PHF24: variants seen among roughly 807,000 people sequenced by gnomAD.
The protein encoded by PHF24 is PHD finger protein 24.
PHF24 carries 25 observed loss-of-function variants against 42.6 expected under a neutral mutation model. That is an observed-to-expected ratio of 0.59 (90% CI 0.43 to 0.82). The LOEUF (loss-of-function observed/expected upper bound fraction) is 0.82. PHF24 is among the 40% of genes least tolerant of loss of function. The pLI, the probability that PHF24 is intolerant of heterozygous loss-of-function variation, is 0.00. For missense variants in PHF24, 470 were observed against 538.1 expected, an observed-to-expected ratio of 0.87 and a Z score of 1.25; for synonymous variants, 185 against 204.8, an observed-to-expected ratio of 0.90 and a Z score of 0.83.
chr9:34,751,142 A>G, the PHF24 span, among the ~76,000 whole-genome samples: 2 of 152,192 alleles, frequency 1.3e-5, no homozygotes, highest in African/African-American at 4.8e-5. Flanking sequence ...AGGAGGGTGG[A>G]TCACCTGATG....
the PHF24 span, among the ~76,000 whole-genome samples, chr9:34,865,246 G>T: frequency 1.3e-5 from 2 of 150,520 alleles, no homozygotes; most frequent in African/African-American, 4.9e-5. Flanking sequence ...AGCTTAAAAT[G>T]ATGAATTATA....
the PHF24 span, among the ~76,000 whole-genome samples, chr9:34,868,375 C>G: frequency 6.6e-6 from 1 of 152,176 alleles, no homozygotes; most frequent in Non-Finnish European, 1.5e-5. Context: ...AGAACTATCT[C>G]GATTCGTTTT....
the PHF24 span, chr9:34,725,559 A>G: frequency 7.1e-7 from 1 of 1,406,254 alleles, no homozygotes; most frequent in African/African-American, 1.4e-5. Context: ...GTCTCAGGAG[A>G]CTGAGCTTTG....
the PHF24 span, among the ~76,000 whole-genome samples, chr9:34,823,802 C>T: frequency 1.5e-4 from 23 of 152,156 alleles, no homozygotes; most frequent in African/African-American, 4.8e-4. Context: ...CTGAGGCAGC[C>T]GAGAAGAGAC....
At chr9:34,846,917 C>A in the PHF24 span, among the ~76,000 whole-genome samples, 1 of 151,952 alleles carries the variant, frequency 6.6e-6, no homozygotes, top group African/African-American at 2.4e-5. Flanking sequence ...TGTAGATATG[C>A]GGCATTATTT....
chr9:34,918,366 A>G, the PHF24 span: 7 of 706,112 alleles, frequency 9.9e-6, no homozygotes, highest in East Asian at 1.9e-4. Context: ...CCCCTCTCCC[A>G]GTTGTCCCAA....
At chr9:34,972,113 A>G (rs1827012113) in intron 2 of PHF24, among the ~76,000 whole-genome samples, 2 of 152,194 alleles carry the variant, frequency 1.3e-5, no homozygotes, top group Non-Finnish European at 2.9e-5. Context: ...TCTTTCTAAA[A>G]GTGCTAGTAG....
the PHF24 span, among the ~76,000 whole-genome samples, chr9:34,845,575 G>A: frequency 5.9e-5 from 9 of 151,910 alleles, no homozygotes; most frequent in African/African-American, 1.9e-4. Context: ...CTGATAACAA[G>A]TTAACTTTTT....
At chr9:34,837,085 G>C in the PHF24 span, 2 of 471,464 alleles carry the variant, frequency 4.2e-6, no homozygotes, top group Non-Finnish European at 4.4e-6. Flanking sequence ...ACAGAGAACA[G>C]CTCTTGTGGC....
chr9:34,723,743 G>A, the PHF24 span: 5 of 1,551,750 alleles, frequency 3.2e-6, no homozygotes, highest in Non-Finnish European at 4.4e-6. Context: ...CTGACCCTGT[G>A]AAGCCTGGGG....
At chr9:34,773,454 A>G in the PHF24 span, among the ~76,000 whole-genome samples, 2 of 152,342 alleles carry the variant, frequency 1.3e-5, no homozygotes, top group East Asian at 3.9e-4. Flanking sequence ...TGGAGATGTC[A>G]AAGGAATTCA....
At chr9:34,726,839 T>C in the PHF24 span, 1 of 1,551,682 alleles carries the variant, frequency 6.4e-7, no homozygotes, top group Admixed American at 2.0e-5. Flanking sequence ...AGAGGAGCCC[T>C]GCAATGGCCC....
At chr9:34,904,766 TCTC>T in the PHF24 span, among the ~76,000 whole-genome samples, 1 of 13,858 alleles carries the variant, frequency 7.2e-5, no homozygotes, top group Non-Finnish European at 2.0e-4. Flanking sequence ...GTTCCTTCTT[TCTC>T]TGTCTTGTGG....
At chr9:34,806,570 C>A in the PHF24 span, among the ~76,000 whole-genome samples, 1 of 152,054 alleles carries the variant, frequency 6.6e-6, no homozygotes, top group African/African-American at 2.4e-5. Context: ...GCAATTCTCC[C>A]ACCTCAGCCT....
the PHF24 span, among the ~76,000 whole-genome samples, chr9:34,705,035 T>C: frequency 1.3e-5 from 2 of 152,086 alleles, no homozygotes; most frequent in Non-Finnish European, 2.9e-5. Context: ...ATTTTGTAGA[T>C]TTTAGAGATA....
the PHF24 span, among the ~76,000 whole-genome samples, chr9:34,808,423 C>G: frequency 6.6e-6 from 1 of 152,132 alleles, no homozygotes. Flanking sequence ...GATCACACCA[C>G]TGTACTCCAG....
At chr9:34,891,713 T>C in the PHF24 span, among the ~76,000 whole-genome samples, 5 of 152,214 alleles carry the variant, frequency 3.3e-5, no homozygotes, top group Non-Finnish European at 5.9e-5. Context: ...TCTTGAGGAC[T>C]GAAATGGACT....
the PHF24 span, among the ~76,000 whole-genome samples, chr9:34,742,960 C>G: frequency 5.9e-5 from 9 of 152,106 alleles, 1 homozygote; most frequent in Admixed American, 5.9e-4. Context: ...TCTGTGGCTG[C>G]TTTCTCACTG....
the PHF24 span, among the ~76,000 whole-genome samples, chr9:34,764,692 A>T: frequency 6.6e-6 from 1 of 151,618 alleles, no homozygotes; most frequent in African/African-American, 2.4e-5. Flanking sequence ...TTGTGTCTCT[A>T]TTTCCTTCAG....
Sources: allele counts gnomAD v4.1 joint callset (sites outside exome capture counted in the v4.1 genomes callset), GRCh38; gene constraint gnomAD v4.1.1; transcripts MANE v1.5; gene names NCBI Gene and HGNC (gene_info 2026-07-23, HGNC 2026-07-21).